The following ZBTB7C variants were observed in gnomAD, a reference collection of about 807,000 sequenced individuals.
The protein encoded by ZBTB7C is zinc finger and BTB domain containing 7C.
In ZBTB7C, 8 loss-of-function variants were observed where a neutral mutation model predicts 25.7. The observed-to-expected ratio is 0.31, with a 90% CI of 0.18 to 0.56. The LOEUF (loss-of-function observed/expected upper bound fraction) is 0.56, where lower values mean the gene tolerates loss of function less well. Among genes scored for constraint, ZBTB7C ranks in the 20% least tolerant of loss-of-function variants. The pLI is 0.91. For synonymous variants in ZBTB7C, 394 were observed against 369.0 expected (o/e 1.07, Z -0.78); for missense variants, 824 against 855.2 (o/e 0.96, Z 0.46).
At chr18:48,324,177 C>T (rs1343631459) in intron 2 of ZBTB7C, among the ~76,000 whole-genome samples, 1 of 152,152 alleles carries the variant, frequency 6.6e-6, no homozygotes, top group Non-Finnish European at 1.5e-5. Context: ...GATATTGTTA[C>T]CACAGCCCAA....
chr18:48,393,592 G>A (rs959689640), intron 1 of ZBTB7C, among the ~76,000 whole-genome samples: 16 of 151,970 alleles, frequency 1.1e-4, no homozygotes, highest in Admixed American at 3.3e-4. Flanking sequence ...GCTCTGAATC[G>A]AAACTAAAGG....
At chr18:48,386,427 ACCCT>A (rs58498000) in intron 1 of ZBTB7C, among the ~76,000 whole-genome samples, 43,734 of 152,122 alleles carry the variant, frequency 0.29, 7,568 homozygotes, top group East Asian at 0.72. Context: ...TACAGTGCTT[ACCCT>A]AGACAGTGAG....
intron 3 of ZBTB7C, among the ~76,000 whole-genome samples, chr18:48,070,754 G>T (rs1408359064): frequency 6.6e-6 from 1 of 152,140 alleles, no homozygotes; most frequent in East Asian, 1.9e-4. Flanking sequence ...ATTCTTTAGG[G>T]CAAGAAGAGT....
chr18:48,027,104 C>T lies in ZBTB7C; in HGVS notation c.*2156G>A, dbSNP rs1299338199. On this transcript the variant is annotated 3_prime_UTR_variant, in exon 5 of 5. Coordinates refer to ENST00000590800, the MANE Select transcript of ZBTB7C (RefSeq NM_001318841.2). The stretch of plus-strand genomic sequence containing the variant: ...CCACAGACAGACAGGGAAATTGAAA[C>T]ATCAAAAAAAAAAAAAAATTGAAGC... The T allele has an allele frequency of 9.9e-6, 1 of 100,846 alleles. No individual in the cohort carries two copies. The highest frequency in any genetic ancestry group is 2.0e-5 in the Non-Finnish European group (1 of 50,534). 6.2% of individuals were successfully genotyped at this position (100,846 alleles called of 1,614,324 possible). A position where few individuals can be genotyped will look rare whatever the true frequency, so the allele number is the denominator to read the frequency against.
chr18:48,098,492 A>G lies in ZBTB7C; in HGVS notation c.-16-57369T>C, dbSNP rs113811453. Among the ~76,000 whole-genome samples the G allele has an allele frequency of 4.8e-3, 734 of 152,232 alleles. 5 individuals are homozygous for G. Among genetic ancestry groups the G allele is most frequent in the Non-Finnish European group, 6.6e-3 (448 of 67,994 alleles). On this transcript the variant is annotated intron_variant, in intron 3 of 4. Coordinates refer to ENST00000590800, the MANE Select transcript of ZBTB7C (RefSeq NM_001318841.2). Reference sequence around the variant, plus strand: ...CCTGTGTGGCTTGGGGAAACAGCCAAGTGACTCAGATGGTCTCGGTTTCCA... The same window carrying G: ...CCTGTGTGGCTTGGGGAAACAGCCAGGTGACTCAGATGGTCTCGGTTTCCA...
chr18:48,027,251 CAG>C lies in ZBTB7C; in HGVS notation c.*2007_*2008del, dbSNP rs1160603548. The C allele has an allele frequency of 1.3e-5, 2 of 151,796 alleles. No individual in the cohort carries two copies. 9.4% of individuals were successfully genotyped at this position (151,796 alleles called of 1,614,324 possible). A position where few individuals can be genotyped will look rare whatever the true frequency, so the allele number is the denominator to read the frequency against. On this transcript the variant is annotated 3_prime_UTR_variant, in exon 5 of 5. Coordinates refer to ENST00000590800, the MANE Select transcript of ZBTB7C (RefSeq NM_001318841.2). ...ATTCCAAACTGCAGCCAAGAAAAAA[CAG>C]AAAGAACTAACCAGTCATCTGAAAA...
chr18:48,244,079 A>T (rs886902426), intron 2 of ZBTB7C, among the ~76,000 whole-genome samples: 2 of 152,236 alleles, frequency 1.3e-5, no homozygotes, highest in African/African-American at 2.4e-5. Context: ...ATTCTAGAAG[A>T]TAACATCACA....
chr18:48,197,595 G>A (rs1346258700), intron 2 of ZBTB7C, among the ~76,000 whole-genome samples: 1 of 152,202 alleles, frequency 6.6e-6, no homozygotes, highest in Non-Finnish European at 1.5e-5. Context: ...TCATAGTTCT[G>A]GAGGTTGGGA....
intron 2 of ZBTB7C, among the ~76,000 whole-genome samples, chr18:48,291,924 G>A (rs781576681): frequency 9.2e-5 from 14 of 152,312 alleles, no homozygotes; most frequent in South Asian, 6.2e-4. Flanking sequence ...TTAGCCGGGC[G>A]TGGTGGCTCA....
At chr18:48,359,204 A>G (rs1363551251) in intron 1 of ZBTB7C, among the ~76,000 whole-genome samples, 2 of 152,132 alleles carry the variant, frequency 1.3e-5, no homozygotes, top group Non-Finnish European at 2.9e-5. Context: ...CACCCCCATG[A>G]ACTCACACGC....
At chr18:48,138,119 C>A (rs1266316476) in intron 3 of ZBTB7C, among the ~76,000 whole-genome samples, 2 of 152,232 alleles carry the variant, frequency 1.3e-5, no homozygotes, top group Admixed American at 6.5e-5. Flanking sequence ...AAAATAAGCA[C>A]AAAACAAGAG....
intron 3 of ZBTB7C, among the ~76,000 whole-genome samples, chr18:48,174,679 C>T (rs577678042): frequency 3.9e-5 from 6 of 152,284 alleles, no homozygotes; most frequent in South Asian, 4.1e-4. Context: ...CACATACACA[C>T]GATGGAGTAT....
At chr18:48,323,449 CACA>C (rs1437854289) in intron 2 of ZBTB7C, among the ~76,000 whole-genome samples, 2 of 152,306 alleles carry the variant, frequency 1.3e-5, no homozygotes, top group Middle Eastern at 3.4e-3. Flanking sequence ...CTCAGGAGCA[CACA>C]ACAAGACAAA....
intron 3 of ZBTB7C, chr18:48,083,800 A>G (rs1004880583): frequency 1.0e-6 from 1 of 980,516 alleles, no homozygotes; most frequent in Non-Finnish European, 1.2e-6. Context: ...GTTCCTTCTG[A>G]TTATGAGGTT....
intron 2 of ZBTB7C, among the ~76,000 whole-genome samples, chr18:48,257,408 T>A (rs2044051239): frequency 6.6e-6 from 1 of 152,146 alleles, no homozygotes. Context: ...GGTAATTAAA[T>A]GTGTACTTAA....
At chr18:48,142,507 G>A (rs1314021732) in intron 3 of ZBTB7C, among the ~76,000 whole-genome samples, 2 of 152,194 alleles carry the variant, frequency 1.3e-5, no homozygotes, top group Admixed American at 6.5e-5. Context: ...GGCTGTGCGG[G>A]GTCCCAGACC....
chr18:48,117,315 A>T (rs1284083879), intron 3 of ZBTB7C, among the ~76,000 whole-genome samples: 1 of 152,190 alleles, frequency 6.6e-6, no homozygotes, highest in African/African-American at 2.4e-5. Flanking sequence ...GGCAGATGGG[A>T]GTTAATGGAG....
At chr18:48,368,969 A>G (rs1327419415) in intron 1 of ZBTB7C, among the ~76,000 whole-genome samples, 4 of 152,222 alleles carry the variant, frequency 2.6e-5, no homozygotes, top group Non-Finnish European at 5.9e-5. Flanking sequence ...GAGAAAGATA[A>G]AAGAGGTACC....
At chr18:48,239,472 C>G (rs1027264868) in intron 2 of ZBTB7C, among the ~76,000 whole-genome samples, 1 of 152,190 alleles carries the variant, frequency 6.6e-6, no homozygotes, top group African/African-American at 2.4e-5. Flanking sequence ...CCACTTCACT[C>G]CCCTGCTACC....
Sources: gnomAD v4.1 joint callset for allele counts (sites outside exome capture counted in the v4.1 genomes callset) on GRCh38, gnomAD v4.1.1 for gene constraint, MANE v1.5 for transcripts, NCBI Gene and HGNC (gene_info 2026-07-23, HGNC 2026-07-21) for gene names.